AP1S3: variants seen among roughly 807,000 people sequenced by gnomAD.
The protein encoded by AP1S3 is AP-1 complex subunit sigma-3.
In AP1S3, 10 loss-of-function variants were observed where a neutral mutation model predicts 20.9. The ratio of observed to expected loss-of-function variants is 0.48; its 90% confidence interval spans 0.29 to 0.81. The LOEUF is 0.81. Ranked by LOEUF, AP1S3 falls within the 30% of genes least tolerant of loss-of-function variation. The pLI, the probability that AP1S3 is intolerant of heterozygous loss-of-function variation, is 0.08. For missense variants in AP1S3, 154 were observed against 183.8 expected (o/e 0.84, Z 0.94); for synonymous variants, 41 against 61.5 (o/e 0.67, Z 1.56).
chr2:223,772,024 T>C (rs1690641569), intron 3 of AP1S3, among the ~76,000 whole-genome samples: 1 of 152,138 alleles, frequency 6.6e-6, no homozygotes. Flanking sequence ...GGAGAATCGC[T>C]TGAACCCGGG....
chr2:223,774,765 G>A (rs11676408), intron 3 of AP1S3, among the ~76,000 whole-genome samples: 99,119 of 152,086 alleles, frequency 0.65, 33,043 homozygotes, highest in East Asian at 0.81. Context: ...AACAAGCTGC[G>A]TCCTTTTGCA....
At chr2:223,775,193 G>A (rs1438551042) in intron 3 of AP1S3, among the ~76,000 whole-genome samples, 1 of 152,224 alleles carries the variant, frequency 6.6e-6, no homozygotes. Flanking sequence ...GCAGAGTAAA[G>A]ATGGACCCAT....
intron 1 of AP1S3, among the ~76,000 whole-genome samples, chr2:223,826,391 G>A (rs775509723): frequency 5.3e-5 from 8 of 152,036 alleles, no homozygotes; most frequent in South Asian, 4.2e-4. Flanking sequence ...TCAGGAGTTC[G>A]AGACCAGCCT....
chr2:223,779,922 G>A (rs995516558), intron 1 of AP1S3, among the ~76,000 whole-genome samples: 4 of 151,984 alleles, frequency 2.6e-5, no homozygotes, highest in Non-Finnish European at 5.9e-5. Context: ...AGCCAAGATT[G>A]TGCCACTGCA....
intron 1 of AP1S3, among the ~76,000 whole-genome samples, chr2:223,788,779 A>AAG (rs1553585700): frequency 1.3e-4 from 19 of 146,352 alleles, no homozygotes; most frequent in African/African-American, 3.1e-4. Flanking sequence ...AAAAAAAAAA[A>AAG]AAGAAGAAGA....
At chr2:223,790,645 C>T (rs1247703343) in intron 1 of AP1S3, among the ~76,000 whole-genome samples, 2 of 151,994 alleles carry the variant, frequency 1.3e-5, no homozygotes, top group African/African-American at 4.8e-5. Context: ...AATATATGTC[C>T]TGAAAGATAG....
intron 1 of AP1S3, among the ~76,000 whole-genome samples, chr2:223,807,182 G>T (rs773405108): frequency 1.3e-5 from 2 of 152,098 alleles, no homozygotes; most frequent in African/African-American, 4.8e-5. Context: ...CAGGAAGATC[G>T]CTTGAGCCTG....
At chr2:223,769,949 T>C (rs1026413153) in intron 3 of AP1S3, among the ~76,000 whole-genome samples, 4 of 151,956 alleles carry the variant, frequency 2.6e-5, no homozygotes, top group African/African-American at 9.7e-5. Context: ...TTTCACTGTG[T>C]TAGCCAGGAT....
intron 1 of AP1S3, among the ~76,000 whole-genome samples, chr2:223,814,873 C>T (rs981995181): frequency 6.6e-6 from 1 of 152,138 alleles, no homozygotes; most frequent in Non-Finnish European, 1.5e-5. Context: ...ACCTCCTGGG[C>T]TCAGGAGATC....
chr2:223,780,655 T>G lies in AP1S3; in HGVS notation c.4-2786A>C, dbSNP rs77582441. ...TATGTTGCCCAGACTGGTCTCGAAC[T>G]CCTAGGCTCAAGCGATCCTCCCACC... On this transcript the variant is annotated intron_variant, in intron 1 of 4. Coordinates refer to ENST00000396654, the MANE Select transcript of AP1S3 (RefSeq NM_001039569.2). Among the ~76,000 whole-genome samples the G allele has an allele frequency of 4.7e-3, 710 of 151,850 alleles. 3 individuals are homozygous for G. Among genetic ancestry groups the G allele is most frequent in the Non-Finnish European group, 8.1e-3 (552 of 67,958 alleles).
At chr2:223,781,565 A>G (rs781549189) in intron 1 of AP1S3, among the ~76,000 whole-genome samples, 6 of 152,106 alleles carry the variant, frequency 3.9e-5, no homozygotes, top group Non-Finnish European at 7.3e-5. Context: ...GCAAGACCCC[A>G]TATCTATTTA....
In AP1S3 at chr2:223,756,262, A is replaced by G. The variant is rs1427476293; in HGVS notation, c.*2453T>C. On this transcript the variant is annotated 3_prime_UTR_variant, in exon 5 of 5. Coordinates refer to ENST00000396654, the MANE Select transcript of AP1S3 (RefSeq NM_001039569.2). ...TGAGGCAGGAGAATCGTTTGAACCC[A>G]GGAGACGGAGGCTGCAGTGACCTGA... is the stretch of plus-strand genomic sequence containing the variant. Among the ~76,000 whole-genome samples, 3 of 152,138 alleles carry G rather than the reference A, an allele frequency of 2.0e-5. No individual in the cohort carries two copies. The East Asian group carries it at 5.8e-4, about 30-fold the overall frequency.
chr2:223,798,103 T>TC (rs535486003), intron 1 of AP1S3, among the ~76,000 whole-genome samples: 44 of 152,140 alleles, frequency 2.9e-4, no homozygotes, highest in Non-Finnish European at 5.0e-4. Flanking sequence ...AGGTTTTTTT[T>TC]CCCCTCAAGA....
intron 1 of AP1S3, among the ~76,000 whole-genome samples, chr2:223,820,472 T>C (rs891494245): frequency 4.0e-5 from 6 of 151,828 alleles, no homozygotes; most frequent in Non-Finnish European, 5.9e-5. Flanking sequence ...TATAAGAAAA[T>C]GAACATAAAA....
rs1169369408 is a variant in AP1S3, at chr2:223,758,678, T to A, written c.*37A>T. On this transcript the variant is annotated 3_prime_UTR_variant, in exon 5 of 5. Coordinates refer to ENST00000396654, the MANE Select transcript of AP1S3 (RefSeq NM_001039569.2). The stretch of plus-strand genomic sequence containing the variant: ...GAGGCGTTGCTTATTTACAGCTTCA[T>A]AACATGTAGTGCTGGAGTCTTCAAG... The A allele has an allele frequency of 2.5e-6, 4 of 1,570,310 alleles. No homozygotes were observed. The African/African-American group carries it at 5.5e-5, about 21-fold the overall frequency.
intron 1 of AP1S3, among the ~76,000 whole-genome samples, chr2:223,823,224 C>G (rs931008865): frequency 6.6e-6 from 1 of 152,180 alleles, no homozygotes; most frequent in Non-Finnish European, 1.5e-5. Context: ...TATGATCCAG[C>G]AATCCCACTA....
chr2:223,824,431 G>A (rs1692068839), intron 1 of AP1S3, among the ~76,000 whole-genome samples: 1 of 152,236 alleles, frequency 6.6e-6, no homozygotes, highest in South Asian at 2.1e-4. Context: ...CACCTTGTGT[G>A]GAAGGTAAGG....
At chr2:223,837,173 G>A (rs754399852) in intron 1 of AP1S3, among the ~76,000 whole-genome samples, 5 of 151,342 alleles carry the variant, frequency 3.3e-5, no homozygotes, top group Non-Finnish European at 7.4e-5. Flanking sequence ...CACCGAGCCC[G>A]GCACAGACTA....
intron 1 of AP1S3, among the ~76,000 whole-genome samples, chr2:223,830,928 A>G (rs536099697): frequency 2.6e-5 from 4 of 152,260 alleles, no homozygotes; most frequent in Non-Finnish European, 4.4e-5. Context: ...GATTGTCGAT[A>G]ACATTCTATT....
Sources: gnomAD v4.1 joint callset for allele counts (sites outside exome capture counted in the v4.1 genomes callset) on GRCh38, gnomAD v4.1.1 for gene constraint, MANE v1.5 for transcripts, NCBI Gene and HGNC (gene_info 2026-07-23, HGNC 2026-07-21) for gene names.